Variants in PNPLA7 observed in about 807,000 individuals in gnomAD.
PNPLA7 encodes patatin like domain 7, lysophospholipase, also known as patatin-like phospholipase domain-containing protein 7.
Under a neutral mutation model 161.7 loss-of-function variants are expected in PNPLA7, and 153 were observed. That is an observed-to-expected ratio of 0.95 (90% CI 0.83 to 1.08). The LOEUF (loss-of-function observed/expected upper bound fraction) is 1.08. Ranked by LOEUF, PNPLA7 falls within the 50% of genes least tolerant of loss-of-function variation. The pLI, the probability that PNPLA7 is intolerant of heterozygous loss-of-function variation, is 0.00. For synonymous variants in PNPLA7, 809 were observed against 782.1 expected, an observed-to-expected ratio of 1.03 and a Z score of -0.57; for missense variants, 1,739 against 1,856.6, an observed-to-expected ratio of 0.94 and a Z score of 1.16.
At chr9:137,484,413 TGAATCCCCAAATTTA>T (rs1420766723) in intron 21 of PNPLA7, among the ~76,000 whole-genome samples, 159 bp downstream of exon 21, 1 of 152,208 alleles carries the variant, frequency 6.6e-6, no homozygotes, top group Admixed American at 6.5e-5. Context: ...TCCTTGCCCT[TGAATCCCCAAATTTA>T]ACAGCTGCCA....
intron 13 of PNPLA7, 79 bp from the exon 14 acceptor site, chr9:137,505,839 T>C: frequency 2.5e-6 from 4 of 1,578,286 alleles, no homozygotes; most frequent in Non-Finnish European, 3.5e-6. Flanking sequence ...CAGGTCTGAA[T>C]CGCACAGTGC....
At chr9:137,538,366 G>A (rs946374670) in intron 8 of PNPLA7, among the ~76,000 whole-genome samples, 8 of 151,916 alleles carry the variant, frequency 5.3e-5, no homozygotes, top group Non-Finnish European at 8.8e-5. Flanking sequence ...GGAGCAGAGT[G>A]AGCACCCTGG....
At chr9:137,469,480 C>G (rs1312635794) in intron 25 of PNPLA7, among the ~76,000 whole-genome samples, 17 of 152,158 alleles carry the variant, frequency 1.1e-4, no homozygotes, top group Non-Finnish European at 1.5e-5. Flanking sequence ...AAAAGAAAAC[C>G]ATTCTCATGT....
In PNPLA7 at chr9:137,537,260, G is replaced by C. The variant is rs7857274; in HGVS notation, c.747+3382C>G. 0.019 allele frequency among the ~76,000 whole-genome samples: 2,848 copies of C among 152,220 alleles called. 104 individuals carry two copies. The highest frequency in any genetic ancestry group is 0.064 in the African/African-American group (2,674 of 41,520). On this transcript the variant is annotated intron_variant, in intron 8 of 34. Transcript: ENST00000406427. This position sits in a 1 kb window ranked among gnomAD's most constrained non-coding sequence, Gnocchi z 4.5. ...CAAAAGTTTGATGAGGAAAAACGAT[G>C]TCACGGCAGATGATCAACTGATCAC...
chr9:137,542,561 G>T (rs1227495980), intron 7 of PNPLA7, 81 bp downstream of exon 7: 1 of 1,386,476 alleles, frequency 7.2e-7, no homozygotes, highest in Admixed American at 3.0e-5. Context: ...TTTTCAATGA[G>T]AAACGTTTTA....
chr9:137,469,097 G>A (rs1251461851), intron 25 of PNPLA7, among the ~76,000 whole-genome samples: 1 of 152,138 alleles, frequency 6.6e-6, no homozygotes, highest in Non-Finnish European at 1.5e-5. Flanking sequence ...AAAAACAAGA[G>A]TGTTAATTCT....
chr9:137,522,768 A>C lies in PNPLA7; in HGVS notation c.837T>G (p.Val279=), dbSNP rs1161421904. The C allele has an allele frequency of 6.2e-7, 1 of 1,613,626 alleles. No individual in the cohort carries two copies. Among genetic ancestry groups the C allele is most frequent in the African/African-American group, 1.3e-5 (1 of 74,910 alleles). ...LRLPAAAFHG[V]FEKYPETLVR... is the part of the protein sequence containing the mutation. Reference sequence around the variant, plus strand: ...CCAGAGTTTCCGGATATTTCTCAAAAACTCCATGAAAAGCCGCAGCTGGAA... The same window carrying C: ...CCAGAGTTTCCGGATATTTCTCAAACACTCCATGAAAAGCCGCAGCTGGAA... The change falls in exon 9 of 35, where the codon GTT becomes GTG. Residue 279 remains valine (V), a synonymous_variant. Transcript: ENST00000406427.
rs200935639 is a variant in PNPLA7, at chr9:137,542,735, C to T, written c.573G>A (p.Leu191=). ...GCTGGAAGACGTGCTCCCCTTCCTG[C>T]AGCTGCACAAAGACGATGTGTTTGC... ...ELCKHIVFVQ[L]QEGEHVFQPR... Residue 191 remains leucine (L), a synonymous_variant, in exon 7 of 35, where the codon CTG becomes CTA. Coordinates refer to ENST00000406427, the MANE Select transcript of PNPLA7 (RefSeq NM_001098537.3). 6.2e-7 allele frequency: 1 copy of T among 1,613,646 alleles called. No homozygotes were observed. Among genetic ancestry groups the T allele is most frequent in the African/African-American group, 1.3e-5 (1 of 74,924 alleles).
rs760749854 is a variant in PNPLA7 at position 137,509,790 on chromosome 9, T to C, written c.1226-3707A>G. ...TGTGGGCGGCAAGCCACCCAGGCACTGAGGCAAGAGACAGAGGACACGAGC... is the reference window on the plus strand; with the variant it reads ...TGTGGGCGGCAAGCCACCCAGGCACCGAGGCAAGAGACAGAGGACACGAGC... On this transcript the variant is annotated intron_variant, in intron 12 of 34. Transcript: ENST00000406427. 219 of 454,010 alleles carry C rather than the reference T, an allele frequency of 4.8e-4. 1 individual carries two copies. Among genetic ancestry groups the C allele is most frequent in the Non-Finnish European group, 1.6e-4 (35 of 225,028 alleles). 28.1% of individuals were successfully genotyped at this position (454,010 alleles called of 1,614,324 possible).
rs757850110 is a variant in PNPLA7 at position 137,550,223 on chromosome 9, G to A, written c.-26C>T. 1.9e-6 allele frequency: 3 copies of A among 1,613,028 alleles called. No individual in the cohort carries two copies. The highest frequency in any genetic ancestry group is 2.5e-6 in the Non-Finnish European group (3 of 1,179,902). On this transcript the variant is annotated 5_prime_UTR_variant, in exon 1 of 35. Transcript: ENST00000406427. ...GGCCAGAAACAGAAAAAACAGTCAG[G>A]GGCGAAAAGCAGACAGCCTGAAGCA...
At chr9:137,526,333 A>G (rs1340098571) in intron 8 of PNPLA7, among the ~76,000 whole-genome samples, 1 of 152,050 alleles carries the variant, frequency 6.6e-6, no homozygotes, top group East Asian at 1.9e-4. Flanking sequence ...TTTGGAGTGC[A>G]ATGGCGCGAT....
intron 4 of PNPLA7, among the ~76,000 whole-genome samples, chr9:137,544,487 C>T (rs184001246): frequency 3.3e-4 from 51 of 152,346 alleles, no homozygotes; most frequent in Non-Finnish European, 4.9e-4. Context: ...GACCACCCTA[C>T]GCCCTGTCCC....
intron 23 of PNPLA7, 158 bp from the exon 24 acceptor site, chr9:137,479,396 T>C (rs1832097200): frequency 1.5e-6 from 2 of 1,314,650 alleles, no homozygotes; most frequent in Non-Finnish European, 1.9e-6. Context: ...GCCTTGGCGC[T>C]GCCGAAGCTC....
rs1289422441 is a variant in PNPLA7 at position 137,480,996 on chromosome 9, T to G, written c.2375A>C (p.Asn792Thr). The change falls in exon 22 of 35, where the codon AAC (asparagine) becomes ACC (threonine). Residue 792 changes from asparagine to threonine, a missense_variant. By Grantham distance (65) the Asn-to-Thr change is moderately conservative (BLOSUM62 0). Transcript: ENST00000406427. Reference protein sequence around the residue: ...IGPTLLLTSDNIKRRLGSAAL... With the variant: ...IGPTLLLTSDTIKRRLGSAAL... The stretch of plus-strand genomic sequence containing the variant: ...AGCGGAGCCAAGGCGCCGTTTTATG[T>G]TGTCACTAGTCAGCAGCAGGGTCGG... 7 of 1,551,508 alleles carry G rather than the reference T, an allele frequency of 4.5e-6. No homozygotes were observed. In the South Asian group the frequency reaches 5.9e-5, roughly 13 times the overall value.
chr9:137,496,745 A>C (rs1395979362), intron 18 of PNPLA7, among the ~76,000 whole-genome samples: 2 of 152,120 alleles, frequency 1.3e-5, no homozygotes, highest in Non-Finnish European at 2.9e-5. Context: ...AAACAAAAAC[A>C]CAAATCGGCA....
Position 137,480,314 on chromosome 9 carries a change from C to T in PNPLA7, c.2578G>A (p.Glu860Lys), listed in dbSNP as rs749813872. 25 of 1,611,758 alleles carry T rather than the reference C, an allele frequency of 1.6e-5. No individual in the cohort carries two copies. Among genetic ancestry groups the T allele is most frequent in the African/African-American group, 2.7e-5 (2 of 75,010 alleles). The change falls in exon 23 of 35, where the codon GAG becomes AAG. Residue 860 changes from glutamate (E) to lysine (K), a missense_variant and splice_region_variant. By Grantham distance (56) the Glu-to-Lys change is moderately conservative (BLOSUM62 1). Coordinates refer to ENST00000406427, the MANE Select transcript of PNPLA7 (RefSeq NM_001098537.3). ...GLGDQEPTVG[E>K]LERMLESTAV... ...CCACCGGCCCTCCCCGTGCTCACCT[C>T]GCCCACTGTGGGCTCCTGGTCACCC... is the stretch of plus-strand genomic sequence containing the variant.
At position 137,479,114 on chromosome 9, in the gene PNPLA7, C is replaced by G. The variant is rs2132135882; in HGVS notation, c.2705G>C (p.Gly902Ala). 1 of 1,598,824 alleles carries G rather than the reference C, an allele frequency of 6.3e-7. No homozygotes were observed. Among genetic ancestry groups the G allele is most frequent in the Non-Finnish European group, 8.5e-7 (1 of 1,173,980 alleles). The change falls in exon 24 of 35, where the codon GGC (glycine) becomes GCC (alanine). Residue 902 changes from glycine to alanine, a missense_variant. Physicochemically the swap from Gly to Ala is moderately conservative, Grantham distance 60 (BLOSUM62 0). This residue lies in a region of PNPLA7 where 703 missense variants were observed against 694.6 expected (regional missense o/e 1.01). Transcript: ENST00000406427. ...GCGCGGGCAGCAGAGGTGCAGGTGG[C>G]CGGAGCACCAGCTCCGCATGTTGAG... Reference protein sequence around the residue: ...EWLNMRSWCSGHLHLCCPRRV... With the variant: ...EWLNMRSWCSAHLHLCCPRRV...
rs28452008 is a variant in PNPLA7, at chr9:137,461,970, G to C, written c.3717C>G (p.Leu1239=). The C allele has an allele frequency of 0.4, 632,251 of 1,594,408 alleles. 131,521 individuals carry two copies. Among genetic ancestry groups the C allele is most frequent in the East Asian group, 0.83 (36,205 of 43,824 alleles). The part of the protein sequence containing the change: ...WGRSGVLEKM[L]RDQQGPSKKP... Reference sequence around the variant, plus strand: ...TCTTGCTCGGCCCCTGCTGGTCGCGGAGCATCTTCTCCAGCACGCCGCTGC... The same window carrying C: ...TCTTGCTCGGCCCCTGCTGGTCGCGCAGCATCTTCTCCAGCACGCCGCTGC... The change falls in exon 32 of 35, where the codon CTC becomes CTG. Residue 1239 remains leucine (L), a synonymous_variant. Transcript: ENST00000406427.
rs941898721 is a variant in PNPLA7, at chr9:137,500,761, G to C, written c.1687C>G (p.Pro563Ala). The C allele has an allele frequency of 3.1e-6, 5 of 1,612,372 alleles. No homozygotes were observed. In the Admixed American group the frequency reaches 8.3e-5, roughly 27 times the overall value. Residue 563 changes from proline to alanine, a missense_variant, in exon 16 of 35, where the codon CCT becomes GCT. Pro to Ala is a conservative substitution (Grantham distance 27, BLOSUM62 -1). This residue lies in a region of PNPLA7 where 481 missense variants were observed against 450.0 expected (regional missense o/e 1.07). Coordinates refer to ENST00000406427, the MANE Select transcript of PNPLA7 (RefSeq NM_001098537.3). The surrounding 1 kb of genome is among the most constrained non-coding windows in gnomAD (Gnocchi z 5.5). Reference sequence around the variant, plus strand: ...TTGGCCTTGACGGTGAAGATGAGAGGCTCCCCGGTGAGCACGGCCAGCTGG... The same window carrying C: ...TTGGCCTTGACGGTGAAGATGAGAGCCTCCCCGGTGAGCACGGCCAGCTGG... ...VGQLAVLTGE[P>A]LIFTVKANRD...
Sources: gnomAD v4.1 joint callset for allele counts (sites outside exome capture counted in the v4.1 genomes callset) on GRCh38, gnomAD v4.1.1 for gene constraint, gnomAD v4.1.1 regional missense constraint, Gnocchi (gnomAD v3.1) non-coding constraint, MANE v1.5 for transcripts, NCBI Gene and HGNC (gene_info 2026-07-23, HGNC 2026-07-21) for gene names.